NXPH2: variants seen among roughly 807,000 people sequenced by gnomAD.
The protein encoded by NXPH2 is neurexophilin 2.
NXPH2 carries 5 observed loss-of-function variants against 19.8 expected under a neutral mutation model. The observed-to-expected ratio is 0.25, with a 90% CI of 0.13 to 0.53. The LOEUF (loss-of-function observed/expected upper bound fraction) is 0.53. NXPH2 is among the 20% of genes least tolerant of loss of function. The pLI is 0.96. For missense variants in NXPH2, 289 were observed against 322.8 expected (o/e 0.90, Z 0.80); for synonymous variants, 154 against 127.4 (o/e 1.21, Z -1.41).
chr2:138,698,880 A>C (rs1273212792), intron 1 of NXPH2, among the ~76,000 whole-genome samples: 1 of 152,116 alleles, frequency 6.6e-6, no homozygotes, highest in Non-Finnish European at 1.5e-5. Flanking sequence ...AGAAAGTAGA[A>C]TTATTTAGTC....
intron 1 of NXPH2, among the ~76,000 whole-genome samples, chr2:138,701,770 C>G (rs1680926632): frequency 1.3e-5 from 2 of 152,180 alleles, no homozygotes; most frequent in Admixed American, 1.3e-4. Context: ...GGTCTTAGTA[C>G]AAATCATAAA....
At chr2:138,750,629 G>GACACAAA (rs1681815260) in intron 1 of NXPH2, among the ~76,000 whole-genome samples, 1 of 152,098 alleles carries the variant, frequency 6.6e-6, no homozygotes, top group African/African-American at 2.4e-5. Context: ...GAGACACAAA[G>GACACAAA]GTGAATAAGA....
chr2:138,691,109 G>A (rs961997531), intron 1 of NXPH2, among the ~76,000 whole-genome samples: 7 of 152,186 alleles, frequency 4.6e-5, no homozygotes, highest in African/African-American at 1.7e-4. Context: ...TGTGGAGAAA[G>A]GGCACAAGGT....
At chr2:138,672,507 C>T (rs1046053392) in intron 1 of NXPH2, among the ~76,000 whole-genome samples, 1 of 152,044 alleles carries the variant, frequency 6.6e-6, no homozygotes, top group Non-Finnish European at 1.5e-5. Flanking sequence ...TAAGAGTCCC[C>T]ATGTTTACTA....
rs191815243 is a variant in NXPH2 at position 138,708,664 on chromosome 2, T to A, written c.52-36999A>T. Among the ~76,000 whole-genome samples, 399 of 152,306 alleles carry A rather than the reference T, an allele frequency of 2.6e-3. 1 individual carries two copies. Among genetic ancestry groups the A allele is most frequent in the Middle Eastern group, 0.01 (3 of 294 alleles). On this transcript the variant is annotated intron_variant, in intron 1 of 1. Coordinates refer to ENST00000272641, the MANE Select transcript of NXPH2 (RefSeq NM_007226.3). ...AAATAGGCCAAGCTAATGTGAGGTA[T>A]AGTGCTTATTATTCTTTGAATGTTG...
At chr2:138,739,605 T>A in intron 1 of NXPH2, among the ~76,000 whole-genome samples, 1 of 151,944 alleles carries the variant, frequency 6.6e-6, no homozygotes, top group Non-Finnish European at 1.5e-5. Context: ...TGGGACATGG[T>A]GGGGGCAGGT....
At chr2:138,778,148 A>C (rs546502167) in intron 1 of NXPH2, among the ~76,000 whole-genome samples, 22 of 152,290 alleles carry the variant, frequency 1.4e-4, no homozygotes, top group Non-Finnish European at 2.6e-4. Context: ...CTTGTGTTAT[A>C]AGGCTGGCAA....
intron 1 of NXPH2, among the ~76,000 whole-genome samples, chr2:138,759,805 C>T (rs1330889328): frequency 6.7e-6 from 1 of 150,100 alleles, no homozygotes; most frequent in Non-Finnish European, 1.5e-5. Context: ...TCTCGGCTCA[C>T]TGCAACCTCC....
At chr2:138,707,094 CAAAA>C (rs70982073) in intron 1 of NXPH2, among the ~76,000 whole-genome samples, 11 of 34,838 alleles carry the variant, frequency 3.2e-4, no homozygotes, top group African/African-American at 6.4e-4. Context: ...TGCCCCATGA[CAAAA>C]AAAAAAAAAA....
At chr2:138,735,993 G>A (rs1009322451) in intron 1 of NXPH2, among the ~76,000 whole-genome samples, 7 of 152,228 alleles carry the variant, frequency 4.6e-5, no homozygotes, top group Admixed American at 3.9e-4. Context: ...TGCAAGAGGT[G>A]GGTTCCCATT....
At chr2:138,697,535 G>T (rs1680846838) in intron 1 of NXPH2, among the ~76,000 whole-genome samples, 1 of 151,744 alleles carries the variant, frequency 6.6e-6, no homozygotes, top group Admixed American at 6.6e-5. Flanking sequence ...CTATAAGTGG[G>T]GAAAAGTGAT....
intron 1 of NXPH2, among the ~76,000 whole-genome samples, chr2:138,739,636 A>G (rs1681612633): frequency 6.6e-6 from 1 of 152,192 alleles, no homozygotes; most frequent in Non-Finnish European, 1.5e-5. Context: ...CTTAGATGCC[A>G]GGTTGAGGAC....
At chr2:138,752,417 T>C (rs1018875580) in intron 1 of NXPH2, among the ~76,000 whole-genome samples, 2 of 152,176 alleles carry the variant, frequency 1.3e-5, no homozygotes, top group African/African-American at 2.4e-5. Flanking sequence ...TATCTACATC[T>C]GAGACATGTA....
chr2:138,744,002 C>CAA (rs35072611), intron 1 of NXPH2, among the ~76,000 whole-genome samples: 13,473 of 85,470 alleles, frequency 0.16, 1,460 homozygotes, highest in Non-Finnish European at 0.17. Context: ...GACTCCATCT[C>CAA]AAAAAAAAAA....
intron 1 of NXPH2, among the ~76,000 whole-genome samples, chr2:138,738,490 A>G (rs988172309): frequency 1.3e-5 from 2 of 152,224 alleles, no homozygotes; most frequent in Non-Finnish European, 2.9e-5. Context: ...TCAATCCATT[A>G]GGATAAAAGA....
rs897679842 is a variant in NXPH2 at position 138,744,128 on chromosome 2, T to A, written c.51+36063A>T. 2.0e-5 allele frequency among the ~76,000 whole-genome samples: 3 copies of A among 152,176 alleles called. No individual in the cohort carries two copies. The East Asian group carries it at 5.8e-4, about 29-fold the overall frequency. On this transcript the variant is annotated intron_variant, in intron 1 of 1. Transcript: ENST00000272641. Reference sequence around the variant, plus strand: ...AACATTACTCCATCCTCATTATTAGTAGAGGGGTGATTTGGCCAGAAAAAA... The same window carrying A: ...AACATTACTCCATCCTCATTATTAGAAGAGGGGTGATTTGGCCAGAAAAAA...
intron 1 of NXPH2, among the ~76,000 whole-genome samples, chr2:138,714,850 C>CAT (rs2104990030): frequency 6.6e-6 from 1 of 152,270 alleles, no homozygotes; most frequent in African/African-American, 2.4e-5. Flanking sequence ...AATAATATAA[C>CAT]ATATAATGGC....
chr2:138,685,116 G>A (rs1019466059), intron 1 of NXPH2, among the ~76,000 whole-genome samples: 1 of 152,140 alleles, frequency 6.6e-6, no homozygotes, highest in African/African-American at 2.4e-5. Flanking sequence ...TGATTATTGG[G>A]GTTGGCCTTA....
intron 1 of NXPH2, among the ~76,000 whole-genome samples, chr2:138,738,277 G>T (rs181504467): frequency 2.0e-5 from 3 of 151,922 alleles, no homozygotes; most frequent in Non-Finnish European, 4.4e-5. Flanking sequence ...CTGTAAAATG[G>T]GAATAATATA....
Sources: gnomAD v4.1 joint callset for allele counts (sites outside exome capture counted in the v4.1 genomes callset) on GRCh38, gnomAD v4.1.1 for gene constraint, MANE v1.5 for transcripts, NCBI Gene and HGNC (gene_info 2026-07-23, HGNC 2026-07-21) for gene names.